Variants in PIWIL2 observed in about 807,000 individuals in gnomAD.
PIWIL2 encodes the protein piwi like RNA-mediated gene silencing 2.
In PIWIL2, 81 loss-of-function variants were observed where a neutral mutation model predicts 116.5. The observed-to-expected ratio is 0.70, with a 90% confidence interval of 0.58 to 0.84. PIWIL2 has a LOEUF of 0.84. Among genes scored for constraint, PIWIL2 ranks in the 40% least tolerant of loss-of-function variants. The probability of loss-of-function intolerance (pLI) is 0.00; values close to 1 mark genes in which losing one functional copy is unlikely to be tolerated. For missense variants in PIWIL2, 1,272 were observed against 1,212.3 expected (o/e 1.05, Z -0.73); for synonymous variants, 489 against 429.5 (o/e 1.14, Z -1.71).
chr8:22,281,119 G>A lies in PIWIL2; in HGVS notation c.199-1G>A, dbSNP rs754641959. ...GAACTTTATTCTTTGACTTTCCACA[G>A]GAGTCTGTGGGTTTGGTCTCCATGT... On this transcript the variant is annotated splice_acceptor_variant, in intron 2 of 22. Coordinates refer to ENST00000356766, the MANE Select transcript of PIWIL2 (RefSeq NM_018068.5). LOFTEE classifies it high-confidence loss of function. 2 of 1,600,372 alleles carry A rather than the reference G, an allele frequency of 1.2e-6. No homozygotes were observed. Among genetic ancestry groups the A allele is most frequent in the Non-Finnish European group, 1.7e-6 (2 of 1,172,648 alleles).
At chr8:22,324,211 A>G (rs879322938) in intron 20 of PIWIL2, among the ~76,000 whole-genome samples, 4 of 152,200 alleles carry the variant, frequency 2.6e-5, no homozygotes, top group Non-Finnish European at 5.9e-5. Flanking sequence ...GTAGTGTGCC[A>G]AGATCACGCC....
chr8:22,299,011 T>A (rs911503794), intron 10 of PIWIL2, among the ~76,000 whole-genome samples: 1 of 152,210 alleles, frequency 6.6e-6, no homozygotes, highest in Non-Finnish European at 1.5e-5. Flanking sequence ...AACCCATTCT[T>A]ATGGCTACTT....
At chr8:22,352,166 A>G (rs548727561) in intron 20 of PIWIL2, among the ~76,000 whole-genome samples, 4 of 152,136 alleles carry the variant, frequency 2.6e-5, no homozygotes, top group African/African-American at 9.6e-5. Context: ...GCTGGTCTTG[A>G]ACTCCTGACC....
intron 20 of PIWIL2, among the ~76,000 whole-genome samples, chr8:22,332,971 T>C (rs913076264): frequency 3.9e-5 from 6 of 152,130 alleles, no homozygotes; most frequent in Non-Finnish European, 7.4e-5. Context: ...AAAAATGTCA[T>C]GTGGCTATAT....
Position 22,305,968 on chromosome 8 carries a change from T to C in PIWIL2, c.1497T>C (p.Phe499=). ...TCCTGCTGCTGCCTGAGCTTTCTTT[T>C]ATGACCGGAATCCCAGAGAAGATGA... is the stretch of plus-strand genomic sequence containing the variant. ...GEILLLPELS[F]MTGIPEKMKK... The change falls in exon 13 of 23, where the codon TTT becomes TTC. Residue 499 remains phenylalanine, a synonymous_variant. Coordinates refer to ENST00000356766, the MANE Select transcript of PIWIL2 (RefSeq NM_018068.5). The C allele has an allele frequency of 6.2e-7, 1 of 1,614,102 alleles. No homozygotes were observed. The highest frequency in any genetic ancestry group is 8.5e-7 in the Non-Finnish European group (1 of 1,179,960).
At chr8:22,298,045 C>T (rs993970511) in intron 10 of PIWIL2, among the ~76,000 whole-genome samples, 1 of 151,954 alleles carries the variant, frequency 6.6e-6, no homozygotes, top group Admixed American at 6.6e-5. Context: ...TTGGTTGAGC[C>T]CAAGAGTTCG....
At chr8:22,304,973 AGT>A in intron 12 of PIWIL2, 105 bp downstream of exon 12, 1 of 763,478 alleles carries the variant, frequency 1.3e-6, no homozygotes, top group African/African-American at 1.7e-5. Context: ...TAGCAATCGT[AGT>A]GTAGTTGCGG....
rs1203010807 is a variant in PIWIL2 at position 22,356,065 on chromosome 8, C to CT, written c.*561dup. ...TCCAGCCTGTTGACAAAGCAAGACT[C>CT]TGTCTCAAAAAAAAAAAAAAAAAGC... is the stretch of plus-strand genomic sequence containing the variant. On this transcript the variant is annotated 3_prime_UTR_variant, in exon 23 of 23. Coordinates refer to ENST00000356766, the MANE Select transcript of PIWIL2 (RefSeq NM_018068.5). 6.8e-6 allele frequency: 1 copy of CT among 146,896 alleles called. No homozygotes were observed. Among genetic ancestry groups the CT allele is most frequent in the African/African-American group, 2.5e-5 (1 of 39,558 alleles). The allele number at this position is 146,896 out of a possible 1,614,324, so 9.1% of individuals were successfully genotyped here.
chr8:22,350,107 G>A (rs573815754), intron 20 of PIWIL2, among the ~76,000 whole-genome samples: 1 of 152,272 alleles, frequency 6.6e-6, no homozygotes, highest in Admixed American at 6.5e-5. Flanking sequence ...CAGTGCACAG[G>A]ACAGCCCTCT....
At chr8:22,322,015 G>A in intron 20 of PIWIL2, 1 of 974,730 alleles carries the variant, frequency 1.0e-6, no homozygotes, top group Non-Finnish European at 1.2e-6. Context: ...TCCAAATACT[G>A]TTTTGGTTTT....
intron 20 of PIWIL2, among the ~76,000 whole-genome samples, chr8:22,342,391 C>T (rs901876284): frequency 6.6e-5 from 10 of 152,182 alleles, no homozygotes; most frequent in African/African-American, 2.2e-4. Context: ...GTAAAAACTA[C>T]GGTAATCAAG....
intron 10 of PIWIL2, among the ~76,000 whole-genome samples, chr8:22,296,939 T>C (rs1239891127): frequency 4.6e-5 from 7 of 152,198 alleles, no homozygotes; most frequent in African/African-American, 1.7e-4. Context: ...TTGGCAGTTA[T>C]TTTCTTTTCG....
chr8:22,340,227 T>G (rs1312955250), intron 20 of PIWIL2, among the ~76,000 whole-genome samples: 1 of 151,866 alleles, frequency 6.6e-6, no homozygotes, highest in East Asian at 1.9e-4. Context: ...TAATTTTTTT[T>G]TGTATTTTTA....
In PIWIL2 at chr8:22,338,035, A is replaced by G. The variant is rs183487110; in HGVS notation, c.2404-14924A>G. Among the ~76,000 whole-genome samples the G allele has an allele frequency of 4.7e-4, 72 of 152,010 alleles. 2 individuals are homozygous for G. Among genetic ancestry groups the G allele is most frequent in the Non-Finnish European group, 1.5e-4 (10 of 67,990 alleles). On this transcript the variant is annotated intron_variant, in intron 20 of 22. Coordinates refer to ENST00000356766, the MANE Select transcript of PIWIL2 (RefSeq NM_018068.5). Reference sequence around the variant, plus strand: ...CTTGAACCCAGGAGATGGAGGTTGCAGTGAGCCAAGATCATGCCACTGCTA... The same window carrying G: ...CTTGAACCCAGGAGATGGAGGTTGCGGTGAGCCAAGATCATGCCACTGCTA...
intron 15 of PIWIL2, 47 bp downstream of exon 15, chr8:22,310,121 G>A (rs765978173): frequency 6.0e-6 from 6 of 994,180 alleles, no homozygotes; most frequent in East Asian, 2.4e-5. Context: ...ATTCCCCAAA[G>A]TGTGGGAATT....
chr8:22,322,687 C>T (rs1264118005), intron 20 of PIWIL2, among the ~76,000 whole-genome samples: 1 of 152,114 alleles, frequency 6.6e-6, no homozygotes, highest in Non-Finnish European at 1.5e-5. Context: ...TTTACAGGCA[C>T]ATGCCACCAC....
At chr8:22,346,677 T>C (rs1454003039) in intron 20 of PIWIL2, among the ~76,000 whole-genome samples, 2 of 152,238 alleles carry the variant, frequency 1.3e-5, no homozygotes, top group Non-Finnish European at 2.9e-5. Flanking sequence ...CAAAGAGTTT[T>C]TATTTATATG....
chr8:22,284,332 C>T (rs1038471080), intron 6 of PIWIL2, 60 bp downstream of exon 6: 2 of 837,532 alleles, frequency 2.4e-6, no homozygotes, highest in African/African-American at 3.4e-5. Flanking sequence ...AAAATAGTTC[C>T]CCTGGAATAA....
intron 20 of PIWIL2, among the ~76,000 whole-genome samples, chr8:22,336,531 C>T (rs1218279797): frequency 1.3e-5 from 2 of 152,074 alleles, no homozygotes; most frequent in South Asian, 4.2e-4. Flanking sequence ...TAAGAAGAAT[C>T]TAAAAACAAA....
Sources: gnomAD v4.1 joint callset for allele counts (sites outside exome capture counted in the v4.1 genomes callset) on GRCh38, gnomAD v4.1.1 for gene constraint, MANE v1.5 for transcripts, NCBI Gene and HGNC (gene_info 2026-07-23, HGNC 2026-07-21) for gene names.